Variants in CTNNA3 observed in about 807,000 individuals in gnomAD.
CTNNA3 encodes catenin alpha 3.
CTNNA3 carries 76 observed loss-of-function variants against 95.7 expected under a neutral mutation model. The ratio of observed to expected loss-of-function variants is 0.79; its 90% CI spans 0.66 to 0.96. The LOEUF (loss-of-function observed/expected upper bound fraction) is 0.96, where lower values mean the gene tolerates loss of function less well. Among genes scored for constraint, CTNNA3 ranks in the 40% least tolerant of loss-of-function variants. CTNNA3 has a pLI of 0.00. For missense variants in CTNNA3, 1,191 were observed against 1,089.8 expected (o/e 1.09, Z -1.31); for synonymous variants, 431 against 374.4 (o/e 1.15, Z -1.74).
At chr10:66,457,970 C>T (rs990188051) in intron 11 of CTNNA3, among the ~76,000 whole-genome samples, 2 of 152,100 alleles carry the variant, frequency 1.3e-5, no homozygotes, top group Non-Finnish European at 2.9e-5. Flanking sequence ...TCTTCAAAGC[C>T]TCCCACACTC....
chr10:67,236,703 CA>C (rs1436713496), intron 5 of CTNNA3, among the ~76,000 whole-genome samples: 3 of 151,490 alleles, frequency 2.0e-5, no homozygotes, highest in Non-Finnish European at 4.4e-5. Context: ...AGAAGATATA[CA>C]AATGGCCAAC....
At chr10:66,710,865 T>G (rs1478529692) in intron 9 of CTNNA3, among the ~76,000 whole-genome samples, 7 of 152,112 alleles carry the variant, frequency 4.6e-5, no homozygotes, top group African/African-American at 1.7e-4. Context: ...CAATTACAGT[T>G]TTGTAATTCT....
intron 1 of CTNNA3, among the ~76,000 whole-genome samples, chr10:67,708,392 C>T (rs1370307809): frequency 6.6e-6 from 1 of 152,102 alleles, no homozygotes; most frequent in Non-Finnish European, 1.5e-5. Flanking sequence ...ATTCATAAAC[C>T]AGACCATCTT....
At chr10:67,749,618 A>C (rs1841393823) in intron 1 of CTNNA3, among the ~76,000 whole-genome samples, 3 of 152,220 alleles carry the variant, frequency 2.0e-5, no homozygotes, top group Admixed American at 2.0e-4. Flanking sequence ...ACCAATGAGA[A>C]AAAAAGAGAC....
chr10:66,370,657 C>T (rs1037603736), intron 12 of CTNNA3, among the ~76,000 whole-genome samples: 1 of 152,004 alleles, frequency 6.6e-6, no homozygotes, highest in African/African-American at 2.4e-5. Context: ...CTGATCCCCT[C>T]GGGCCTTGAG....
intron 15 of CTNNA3, among the ~76,000 whole-genome samples, chr10:66,058,345 C>T (rs183586622): frequency 7.0e-4 from 106 of 152,230 alleles, no homozygotes; most frequent in Non-Finnish European, 1.3e-3. Flanking sequence ...GGCAGAAATG[C>T]TTTGTAAATG....
chr10:66,460,715 A>G (rs1418407447), intron 11 of CTNNA3, among the ~76,000 whole-genome samples: 1 of 152,148 alleles, frequency 6.6e-6, no homozygotes, highest in Non-Finnish European at 1.5e-5. Context: ...CTCTGGTATC[A>G]TCTCTCACTT....
At chr10:66,144,002 C>T (rs963964570) in intron 13 of CTNNA3, among the ~76,000 whole-genome samples, 1 of 152,100 alleles carries the variant, frequency 6.6e-6, no homozygotes, top group Non-Finnish European at 1.5e-5. Context: ...ACTGTTTTCC[C>T]CCATGGGACC....
Position 66,042,899 on chromosome 10 carries a change from C to CAAAAAAAAAAAAAAAAAAAAAAAAAA in CTNNA3, c.2159+26383_2159+26408dup, listed in dbSNP as rs60090636. Among the ~76,000 whole-genome samples, 42 of 50,422 alleles carry CAAAAAAAAAAAAAAAAAAAAAAAAAA rather than the reference C, an allele frequency of 8.3e-4. 7 individuals carry two copies. Among genetic ancestry groups the CAAAAAAAAAAAAAAAAAAAAAAAAAA allele is most frequent in the African/African-American group, 1.4e-3 (16 of 11,522 alleles). 33.1% of individuals were successfully genotyped at this position (50,422 alleles called of 152,430 possible). A position where few individuals can be genotyped will look rare whatever the true frequency, so the allele number is the denominator to read the frequency against. Reference sequence around the variant, plus strand: ...TGGGTGACTGAGCGAGACTCTGTCTCAAAAAAAAAAAAAAAAAAAAAAAAA... The same window carrying CAAAAAAAAAAAAAAAAAAAAAAAAAA: ...TGGGTGACTGAGCGAGACTCTGTCTCAAAAAAAAAAAAAAAAAAAAAAAAAAAAAAAAAAAAAAAAAAAAAAAAAAA... On this transcript the variant is annotated intron_variant, in intron 15 of 17. Transcript: ENST00000433211.
chr10:67,124,336 GT>G (rs1353802085), intron 7 of CTNNA3, among the ~76,000 whole-genome samples: 3 of 41,750 alleles, frequency 7.2e-5, no homozygotes, highest in African/African-American at 3.0e-4. Context: ...TGTTAGCGGT[GT>G]GTGTGTGTGT....
intron 2 of CTNNA3, among the ~76,000 whole-genome samples, chr10:67,637,567 T>A (rs1056629723): frequency 7.9e-5 from 12 of 152,226 alleles, no homozygotes; most frequent in African/African-American, 2.9e-4. Flanking sequence ...AATTGTCAGA[T>A]TCACCAAAGT....
At chr10:66,154,273 G>T (rs2084359155) in intron 13 of CTNNA3, among the ~76,000 whole-genome samples, 1 of 151,632 alleles carries the variant, frequency 6.6e-6, no homozygotes, top group Non-Finnish European at 1.5e-5. Flanking sequence ...AATTACTCCT[G>T]ACTCTCAGGT....
chr10:66,625,178 T>C (rs1377591827), intron 9 of CTNNA3, among the ~76,000 whole-genome samples: 1 of 152,126 alleles, frequency 6.6e-6, no homozygotes, highest in African/African-American at 2.4e-5. Flanking sequence ...TTTATTAGCA[T>C]CCCTCTCTTG....
chr10:66,708,166 T>C (rs939985462), intron 9 of CTNNA3, among the ~76,000 whole-genome samples: 2 of 151,568 alleles, frequency 1.3e-5, no homozygotes, highest in Non-Finnish European at 2.9e-5. Flanking sequence ...CTGGGGAGCA[T>C]AGTGTACAAG....
intron 13 of CTNNA3, among the ~76,000 whole-genome samples, chr10:66,130,445 A>G (rs2083034110): frequency 6.6e-6 from 1 of 151,768 alleles, no homozygotes; most frequent in African/African-American, 2.4e-5. Flanking sequence ...TTTTGGAAAA[A>G]TTAATAAGAT....
intron 11 of CTNNA3, among the ~76,000 whole-genome samples, chr10:66,473,978 G>A (rs1208969425): frequency 2.6e-5 from 4 of 152,060 alleles, no homozygotes; most frequent in Admixed American, 1.3e-4. Flanking sequence ...ATAAACATAC[G>A]TGTACATGTG....
intron 1 of CTNNA3, among the ~76,000 whole-genome samples, chr10:67,731,930 T>TTTTTTG (rs142016549): frequency 0.25 from 37,103 of 150,880 alleles, 4,940 homozygotes; most frequent in African/African-American, 0.35. Context: ...CCGGCTAATT[T>TTTTTTG]TTTTTGTTTT....
chr10:66,557,288 G>A (rs574169389), intron 10 of CTNNA3, among the ~76,000 whole-genome samples: 15 of 152,130 alleles, frequency 9.9e-5, no homozygotes, highest in African/African-American at 3.6e-4. Flanking sequence ...TGAAATACAG[G>A]TGACACCATA....
intron 13 of CTNNA3, among the ~76,000 whole-genome samples, chr10:66,211,290 A>G (rs1035918085): frequency 2.0e-5 from 3 of 152,176 alleles, no homozygotes; most frequent in Non-Finnish European, 4.4e-5. Flanking sequence ...AATACTACAT[A>G]TGAGTAATGT....
Sources: allele counts gnomAD v4.1 joint callset (sites outside exome capture counted in the v4.1 genomes callset), GRCh38; gene constraint gnomAD v4.1.1; transcripts MANE v1.5; gene names NCBI Gene and HGNC (gene_info 2026-07-23, HGNC 2026-07-21).